NOTCH2: variants seen among roughly 807,000 people sequenced by gnomAD.
The protein encoded by NOTCH2 is neurogenic locus notch homolog protein 2.
Under a neutral mutation model 235.8 loss-of-function variants are expected in NOTCH2, and 29 were observed. The observed-to-expected ratio is 0.12, with a 90% CI of 0.09 to 0.17. NOTCH2 has a LOEUF of 0.17. Among genes scored for constraint, NOTCH2 ranks in the 10% least tolerant of loss-of-function variants. The probability of loss-of-function intolerance (pLI) is 1.00; values close to 1 mark genes in which losing one functional copy is unlikely to be tolerated. For synonymous variants in NOTCH2, 1,086 were observed against 1,141.5 expected, an observed-to-expected ratio of 0.95 and a Z score of 0.98; for missense variants, 2,285 against 3,150.2, an observed-to-expected ratio of 0.73 and a Z score of 6.57.
At chr1:119,974,916 G>C (rs1304148444) in intron 5 of NOTCH2, among the ~76,000 whole-genome samples, 1 of 152,172 alleles carries the variant, frequency 6.6e-6, no homozygotes. Flanking sequence ...ATTCACCTCA[G>C]TATCTATGCC....
intron 1 of NOTCH2, among the ~76,000 whole-genome samples, chr1:120,045,410 A>AT (rs587641157): frequency 8.3e-4 from 102 of 122,174 alleles, no homozygotes; most frequent in African/African-American, 4.1e-3. Context: ...ACTCTGGTAG[A>AT]TTCCCCCTTC....
At chr1:119,942,793 C>T (rs1482691428) in intron 17 of NOTCH2, among the ~76,000 whole-genome samples, 1 of 152,054 alleles carries the variant, frequency 6.6e-6, no homozygotes, top group Non-Finnish European at 1.5e-5. Context: ...TGATCTCACT[C>T]CCTAAAGTTC....
Position 119,914,712 on chromosome 1 carries a change from C to T in NOTCH2, c.*594G>A, listed in dbSNP as rs752648783. 4.4e-5 allele frequency: 11 copies of T among 249,636 alleles called. No individual in the cohort carries two copies. Among genetic ancestry groups the T allele is most frequent in the Middle Eastern group, 1.2e-3 (1 of 844 alleles). The allele number at this position is 249,636 out of a possible 1,614,324, so 15.5% of individuals were successfully genotyped here. On this transcript the variant is annotated 3_prime_UTR_variant, in exon 34 of 34. Coordinates refer to ENST00000256646, the MANE Select transcript of NOTCH2 (RefSeq NM_024408.4). ...AACCTTGTGAGACTCCAAGGGATAC[C>T]GGGAAGACAGGAGGGGAAAGGAGAC...
At chr1:119,953,175 G>A (rs1021761211) in intron 14 of NOTCH2, among the ~76,000 whole-genome samples, 1 of 152,190 alleles carries the variant, frequency 6.6e-6, no homozygotes. Context: ...GCCGGGTGTG[G>A]TGGCATATGC....
At chr1:119,973,674 C>G (rs75775174) in intron 5 of NOTCH2, among the ~76,000 whole-genome samples, 4 of 152,088 alleles carry the variant, frequency 2.6e-5, no homozygotes, top group Non-Finnish European at 4.4e-5. Flanking sequence ...AAGGAACACT[C>G]GTATTAGAAA....
chr1:119,963,839 A>G (rs782417506), intron 10 of NOTCH2, 32 bp from the exon 11 acceptor site: 17 of 1,568,296 alleles, frequency 1.1e-5, no homozygotes, highest in Non-Finnish European at 1.5e-5. Flanking sequence ...GGATTCTCAA[A>G]GACCAAGGCA....
intron 17 of NOTCH2, among the ~76,000 whole-genome samples, chr1:119,944,189 A>T (rs1215591222): frequency 1.3e-5 from 2 of 152,270 alleles, no homozygotes; most frequent in Non-Finnish European, 2.9e-5. Context: ...TATTTTCCAG[A>T]CTTGGACCCA....
At chr1:120,045,817 C>T (rs1252510749) in intron 1 of NOTCH2, among the ~76,000 whole-genome samples, 6 of 152,244 alleles carry the variant, frequency 3.9e-5, no homozygotes, top group Non-Finnish European at 8.8e-5. Context: ...ATATCTTAGA[C>T]ATTAAACTCT....
At chr1:120,029,320 A>C (rs1188610918) in intron 2 of NOTCH2, among the ~76,000 whole-genome samples, 1 of 151,876 alleles carries the variant, frequency 6.6e-6, no homozygotes, top group South Asian at 2.1e-4. Flanking sequence ...TCTGAAAAAC[A>C]CAAGGGAATC....
chr1:119,915,414 C>A lies in NOTCH2; in HGVS notation c.7308G>T (p.Trp2436Cys), dbSNP rs774132081. The change falls in exon 34 of 34, where the codon TGG becomes TGT. Residue 2436 changes from tryptophan (W) to cysteine (C), a missense_variant. Transcript: ENST00000256646. ...GGGTAGGGCTGGTGGTCACATCTGA[C>A]CAGTCAGAAGCAGAGTGGGGTGATG... ...SSSSPHSASD[W>C]SDVTTSPTPG... 1 of 1,614,168 alleles carries A rather than the reference C, an allele frequency of 6.2e-7. No individual in the cohort carries two copies. Among genetic ancestry groups the A allele is most frequent in the Non-Finnish European group, 8.5e-7 (1 of 1,180,024 alleles).
At chr1:119,953,509 G>C (rs1650566106) in intron 14 of NOTCH2, 34 bp downstream of exon 14, 1 of 1,611,816 alleles carries the variant, frequency 6.2e-7, no homozygotes, top group Non-Finnish European at 8.5e-7. Context: ...AGAAGACAAA[G>C]AGCAGACGCA....
At chr1:119,953,440 C>T (rs190391291) in intron 14 of NOTCH2, 103 bp downstream of exon 14, 15 of 1,255,988 alleles carry the variant, frequency 1.2e-5, no homozygotes, top group East Asian at 1.2e-4. Flanking sequence ...GTTTGTTACA[C>T]GAATGAATGA....
At chr1:119,926,405 C>T (rs960496722) in intron 24 of NOTCH2, 94 bp downstream of exon 24, 15 of 985,496 alleles carry the variant, frequency 1.5e-5, no homozygotes, top group South Asian at 8.3e-5. Flanking sequence ...CTTCCCATTT[C>T]GAAGATTGGT....
intron 2 of NOTCH2, among the ~76,000 whole-genome samples, chr1:120,015,009 T>A (rs113884189): frequency 0.063 from 6,744 of 107,030 alleles, 88 homozygotes; most frequent in African/African-American, 0.08. Context: ...TTTTTTTTTT[T>A]AAAAACGAGG....
chr1:119,923,484 CG>C (rs1473645766), intron 26 of NOTCH2, among the ~76,000 whole-genome samples, 152 bp downstream of exon 26: 1 of 152,196 alleles, frequency 6.6e-6, no homozygotes, highest in Admixed American at 6.5e-5. Context: ...TACATTTAAA[CG>C]TAAGTACTGG....
chr1:119,937,758 C>A, intron 20 of NOTCH2, 99 bp downstream of exon 20: 1 of 1,376,386 alleles, frequency 7.3e-7, no homozygotes, highest in Non-Finnish European at 1.0e-6. Flanking sequence ...TACTATCTGC[C>A]CTTCCCTCTT....
At chr1:119,948,976 G>A (rs782724358) in intron 16 of NOTCH2, 31 bp downstream of exon 16, 3 of 1,614,060 alleles carry the variant, frequency 1.9e-6, no homozygotes, top group Non-Finnish European at 2.5e-6. Context: ...CAGAATGCAT[G>A]TTCTTGGCTT....
At chr1:119,982,160 A>C (rs1651837421) in intron 5 of NOTCH2, among the ~76,000 whole-genome samples, 1 of 152,174 alleles carries the variant, frequency 6.6e-6, no homozygotes, top group African/African-American at 2.4e-5. Flanking sequence ...GGGAGCACTG[A>C]CAGCAATGAA....
At chr1:119,922,486 AT>A (rs1350495997) in intron 27 of NOTCH2, 40 bp from the exon 28 acceptor site, 1 of 1,597,398 alleles carries the variant, frequency 6.3e-7, no homozygotes, top group African/African-American at 1.3e-5. Context: ...TGAATAAAAC[AT>A]TAACCTCTCA....
Sources: gnomAD v4.1 joint callset for allele counts (sites outside exome capture counted in the v4.1 genomes callset) on GRCh38, gnomAD v4.1.1 for gene constraint, MANE v1.5 for transcripts, NCBI Gene and HGNC (gene_info 2026-07-23, HGNC 2026-07-21) for gene names.